The following PEX14 variants were observed in gnomAD, a reference collection of about 807,000 sequenced individuals.
PEX14 encodes peroxisomal biogenesis factor 14.
In PEX14, 15 loss-of-function variants were observed where a neutral mutation model predicts 49.5. That is an observed-to-expected ratio of 0.30 (90% CI 0.20 to 0.47). The LOEUF is 0.47. PEX14 is among the 20% of genes least tolerant of loss of function. The pLI is 1.00. For missense variants in PEX14, 398 were observed against 494.8 expected, an observed-to-expected ratio of 0.80 and a Z score of 1.86; for synonymous variants, 210 against 212.7, an observed-to-expected ratio of 0.99 and a Z score of 0.11.
intron 4 of PEX14, among the ~76,000 whole-genome samples, chr1:10,601,842 C>T (rs1468159114): frequency 1.3e-5 from 2 of 152,180 alleles, no homozygotes; most frequent in Non-Finnish European, 2.9e-5. Context: ...TGGGCCCAGC[C>T]GTGTAATGGG....
At chr1:10,499,821 T>A (rs886101479) in intron 2 of PEX14, among the ~76,000 whole-genome samples, 2 of 152,138 alleles carry the variant, frequency 1.3e-5, no homozygotes, top group East Asian at 3.8e-4. Flanking sequence ...TACTATTTTT[T>A]AGTATGCTGA....
chr1:10,605,479 T>C (rs994162662), intron 4 of PEX14, among the ~76,000 whole-genome samples: 1 of 152,188 alleles, frequency 6.6e-6, no homozygotes, highest in Non-Finnish European at 1.5e-5. Flanking sequence ...GGCAAGGCTT[T>C]CTAGAAGGGG....
At chr1:10,482,350 G>A (rs1221324238) in intron 1 of PEX14, among the ~76,000 whole-genome samples, 2 of 151,392 alleles carry the variant, frequency 1.3e-5, no homozygotes, top group African/African-American at 2.4e-5. Flanking sequence ...GGCTGGTCTC[G>A]AACTCCTGAC....
chr1:10,478,073 A>T (rs768701419), intron 1 of PEX14, among the ~76,000 whole-genome samples: 25 of 151,744 alleles, frequency 1.6e-4, no homozygotes, highest in Non-Finnish European at 3.5e-4. Context: ...TTTTAAGTAG[A>T]AATGGGGTTT....
At chr1:10,562,914 C>CTTTCT (rs1553190510) in intron 3 of PEX14, among the ~76,000 whole-genome samples, 7 of 146,008 alleles carry the variant, frequency 4.8e-5, no homozygotes, top group African/African-American at 1.8e-4. Flanking sequence ...TTCTTTCTTT[C>CTTTCT]TTTTCTTTTT....
Position 10,629,012 on chromosome 1 carries a change from C to T in PEX14, c.678-519C>T, listed in dbSNP as rs1021968418. On this transcript the variant is annotated intron_variant, in intron 8 of 8. Coordinates refer to ENST00000356607, the MANE Select transcript of PEX14 (RefSeq NM_004565.3). This position sits in a 1 kb window ranked among gnomAD's most constrained non-coding sequence, Gnocchi z 8.5. ...AGTTTTCTAGCAAAGGGCATAACCA[C>T]CGCCCTTTTGGTTCTGATGTGTCTG... Among the ~76,000 whole-genome samples the T allele has an allele frequency of 4.6e-5, 7 of 152,228 alleles. No homozygotes were observed. Among genetic ancestry groups the T allele is most frequent in the East Asian group, 3.9e-4 (2 of 5,190 alleles).
At chr1:10,503,285 A>G (rs1273030623) in intron 2 of PEX14, among the ~76,000 whole-genome samples, 1 of 113,784 alleles carries the variant, frequency 8.8e-6, no homozygotes, top group African/African-American at 3.0e-5. Context: ...CTGTCTCAAA[A>G]AAAAAAAAAA....
intron 2 of PEX14, among the ~76,000 whole-genome samples, chr1:10,526,408 G>A (rs1469789724): frequency 6.6e-6 from 1 of 151,968 alleles, no homozygotes; most frequent in Non-Finnish European, 1.5e-5. Context: ...TATTACAGAC[G>A]GTGTTTCACC....
chr1:10,567,323 G>T (rs1033390876), intron 3 of PEX14, among the ~76,000 whole-genome samples: 3 of 152,086 alleles, frequency 2.0e-5, no homozygotes, highest in African/African-American at 7.2e-5. Flanking sequence ...TATATATCTG[G>T]ACGTACTCTG....
At chr1:10,620,668 A>G (rs1641562427) in intron 5 of PEX14, among the ~76,000 whole-genome samples, 1 of 151,904 alleles carries the variant, frequency 6.6e-6, no homozygotes, top group African/African-American at 2.4e-5. Flanking sequence ...TGCACCTGTA[A>G]TCCCAGCTAC....
At chr1:10,483,466 A>G (rs567514850) in intron 1 of PEX14, among the ~76,000 whole-genome samples, 1 of 151,962 alleles carries the variant, frequency 6.6e-6, no homozygotes, top group Non-Finnish European at 1.5e-5. Flanking sequence ...GCAGGTGTGC[A>G]CCACCATGCC....
In PEX14 at chr1:10,514,595, A is replaced by G. The variant is rs1435559315; in HGVS notation, c.84+19274A>G. Among the ~76,000 whole-genome samples the G allele has an allele frequency of 6.6e-6, 1 of 152,188 alleles. No homozygotes were observed. Among genetic ancestry groups the G allele is most frequent in the Non-Finnish European group, 1.5e-5 (1 of 68,038 alleles). On this transcript the variant is annotated intron_variant, in intron 2 of 8. Transcript: ENST00000356607. The surrounding 1 kb of genome is among the most constrained non-coding windows in gnomAD (Gnocchi z 4.4). Reference sequence around the variant, plus strand: ...GGGAATGCTCAGTTGGGATTGAACTAATAGGCCATTGGGTGTCACTGTCGC... The same window carrying G: ...GGGAATGCTCAGTTGGGATTGAACTGATAGGCCATTGGGTGTCACTGTCGC...
intron 3 of PEX14, among the ~76,000 whole-genome samples, chr1:10,554,975 C>CT (rs1278427257): frequency 2.6e-5 from 4 of 152,152 alleles, no homozygotes; most frequent in Admixed American, 2.6e-4. Context: ...AAGCAAGTTG[C>CT]TTCTCTAGAG....
rs550893132 is a variant in PEX14, at chr1:10,565,135, C to G, written c.169+28838C>G. Reference sequence around the variant, plus strand: ...GCCAGGCTGGTCTCGAACTCCTGACCTCGTGATCTGCCCGCCTCGGCCTCC... The same window carrying G: ...GCCAGGCTGGTCTCGAACTCCTGACGTCGTGATCTGCCCGCCTCGGCCTCC... On this transcript the variant is annotated intron_variant, in intron 3 of 8. Transcript: ENST00000356607. Among the ~76,000 whole-genome samples, 74 of 152,298 alleles carry G rather than the reference C, an allele frequency of 4.9e-4. 3 individuals are homozygous for G. In the South Asian group the frequency reaches 0.015, roughly 31 times the overall value.
Position 10,629,921 on chromosome 1 carries a change from G to T in PEX14, c.1068G>T (p.Gln356His), listed in dbSNP as rs1205416084. 6.2e-7 allele frequency: 1 copy of T among 1,613,108 alleles called. No individual in the cohort carries two copies. Among genetic ancestry groups the T allele is most frequent in the Non-Finnish European group, 8.5e-7 (1 of 1,179,858 alleles). The change falls in exon 9 of 9, where the codon CAG becomes CAT. Residue 356 changes from glutamine to histidine, a missense_variant. Physicochemically the swap from Gln to His is conservative, Grantham distance 24. Coordinates refer to ENST00000356607, the MANE Select transcript of PEX14 (RefSeq NM_004565.3). This position sits in a 1 kb window ranked among gnomAD's most constrained non-coding sequence, Gnocchi z 8.5. ...AGGACCGCCGGGGCGGGGATGGGCA[G>T]ATCAACGAGCAGGTGGAGAAGCTGC... ...QREDRRGGDG[Q>H]INEQVEKLRR...
Position 10,495,948 on chromosome 1 carries a change from C to G in PEX14, c.84+627C>G, listed in dbSNP as rs371031004. Among the ~76,000 whole-genome samples the G allele has an allele frequency of 5.9e-5, 9 of 152,300 alleles. No individual in the cohort carries two copies. The East Asian group carries it at 1.7e-3, about 29-fold the overall frequency. ...AAGTCCTCTTGGCTGGGTAGTAAGA[C>G]TGGCTCTGTATAAACCAGATAAGTT... On this transcript the variant is annotated intron_variant, in intron 2 of 8. Transcript: ENST00000356607. This position sits in a 1 kb window ranked among gnomAD's most constrained non-coding sequence, Gnocchi z 4.2.
intron 5 of PEX14, among the ~76,000 whole-genome samples, chr1:10,620,051 C>T (rs1379068722): frequency 2.6e-5 from 4 of 151,868 alleles, no homozygotes; most frequent in Non-Finnish European, 5.9e-5. Flanking sequence ...GGAGGCGGAG[C>T]TTGCAGTAAG....
chr1:10,585,505 C>G (rs987195612), intron 3 of PEX14, among the ~76,000 whole-genome samples: 2 of 152,224 alleles, frequency 1.3e-5, no homozygotes, highest in African/African-American at 2.4e-5. Flanking sequence ...CTGCTTGCAT[C>G]AGACACACCT....
At chr1:10,479,552 T>C (rs1641250455) in intron 1 of PEX14, among the ~76,000 whole-genome samples, 1 of 152,228 alleles carries the variant, frequency 6.6e-6, no homozygotes, top group Non-Finnish European at 1.5e-5. Flanking sequence ...CTTTTCTTCC[T>C]TCGCTGAACA....
Sources: allele counts gnomAD v4.1 joint callset (sites outside exome capture counted in the v4.1 genomes callset), GRCh38; gene constraint gnomAD v4.1.1; non-coding constraint Gnocchi (gnomAD v3.1); transcripts MANE v1.5; gene names NCBI Gene and HGNC (gene_info 2026-07-23, HGNC 2026-07-21).